Variants in OR51B5 observed in about 807,000 individuals in gnomAD.
OR51B5 encodes the protein olfactory receptor family 51 subfamily B member 5.
For missense variants in OR51B5, 456 were observed against 374.6 expected (o/e 1.22, Z -1.79); for synonymous variants, 186 against 144.8 (o/e 1.28, Z -2.04).
chr11:5,469,030 C>T (rs147630465), intron 1 of OR51B5: 7 of 296,220 alleles, frequency 2.4e-5, no homozygotes, highest in South Asian at 5.8e-5. Flanking sequence ...CATAGCGCAG[C>T]GGGTTACAGA....
chr11:5,401,315 C>A (rs548294423), intron 1 of OR51B5, among the ~76,000 whole-genome samples: 4 of 152,190 alleles, frequency 2.6e-5, no homozygotes, highest in African/African-American at 9.7e-5. Context: ...TGGATGTGAT[C>A]GTTGACAGAA....
chr11:5,466,250 T>C (rs1851137506), intron 1 of OR51B5, among the ~76,000 whole-genome samples: 1 of 152,228 alleles, frequency 6.6e-6, no homozygotes, highest in Admixed American at 6.5e-5. Flanking sequence ...TTTTCATAAG[T>C]CTGTTAATTA....
At chr11:5,341,494 G>A (rs1589940673), downstream of OR51B5, 1 of 152,136 alleles carries the variant, frequency 6.6e-6, no homozygotes, top group Admixed American at 6.6e-5. Context: ...TCTCACTGAA[G>A]TATTATTTTT....
chr11:5,377,764 G>C (rs868423281), intron 1 of OR51B5, among the ~76,000 whole-genome samples: 1 of 145,506 alleles, frequency 6.9e-6, no homozygotes, highest in Admixed American at 6.8e-5. Flanking sequence ...GGGATGTGAA[G>C]GACCTCTTCA....
intron 1 of OR51B5, among the ~76,000 whole-genome samples, chr11:5,445,076 C>T (rs892523103): frequency 6.6e-6 from 1 of 152,100 alleles, no homozygotes; most frequent in African/African-American, 2.4e-5. Flanking sequence ...GGCAATTGCC[C>T]AGTGCTCTAG....
chr11:5,488,349 G>C (rs1851526438), intron 1 of OR51B5, among the ~76,000 whole-genome samples: 1 of 152,118 alleles, frequency 6.6e-6, no homozygotes, highest in African/African-American at 2.4e-5. Context: ...GCATGAATGA[G>C]AGGTAAGAAA....
chr11:5,351,862 G>A lies in OR51B5; in HGVS notation n.85-4952C>T, dbSNP rs370552891. On this transcript the variant is annotated intron_variant and non_coding_transcript_variant, in intron 1 of 4. Coordinates refer to the OR51B5 transcript ENST00000415970. ...AGGTGTCTTGCTTGCCATGGCTTAT[G>A]ACTGTTTCATTACCATCCGCAGCCC... The A allele has an allele frequency of 3.1e-6, 5 of 1,613,518 alleles. No homozygotes were observed. The African/African-American group carries it at 5.3e-5, about 17-fold the overall frequency.
Position 5,454,655 on chromosome 11 carries a change from T to C in OR51B5, n.84+50914A>G, listed in dbSNP as rs1590005166. 4 of 380,350 alleles carry C rather than the reference T, an allele frequency of 1.1e-5. No individual in the cohort carries two copies. In the East Asian group the frequency reaches 1.7e-4, roughly 16 times the overall value. 23.6% of individuals were successfully genotyped at this position (380,350 alleles called of 1,614,324 possible). ...ATAAATATTGGGGGCAATTGAGTAA[T>C]TAGACAAGTTTTACAGAGGAAGACT... On this transcript the variant is annotated intron_variant and non_coding_transcript_variant, in intron 1 of 4. Coordinates refer to the OR51B5 transcript ENST00000415970.
chr11:5,389,454 A>C lies in OR51B5; in HGVS notation n.85-42544T>G, dbSNP rs1034767955. The C allele has an allele frequency of 9.3e-6, 15 of 1,613,742 alleles. No homozygotes were observed. The Middle Eastern group carries it at 4.9e-4, about 53-fold the overall frequency. On this transcript the variant is annotated intron_variant and non_coding_transcript_variant, in intron 1 of 4. Transcript: ENST00000415970. ...TTCATGCTGCTATCCAACATTACTC[A>C]GTTTAGCCCCATATTCTATCTCACC...
upstream of OR51B5, among the ~76,000 whole-genome samples, chr11:5,346,588 TA>T (rs963726958): frequency 2.6e-5 from 4 of 151,912 alleles, no homozygotes; most frequent in African/African-American, 9.7e-5. Context: ...AAAGAAGACA[TA>T]TGAGAGGGTC....
chr11:5,483,579 A>G (rs60179850), intron 1 of OR51B5, among the ~76,000 whole-genome samples: 30,885 of 150,920 alleles, frequency 0.2, 3,318 homozygotes, highest in Middle Eastern at 0.27. Context: ...GAGAAAAGGA[A>G]GACAAGGAAA....
At chr11:5,364,300 C>T (rs1849332924) in intron 1 of OR51B5, among the ~76,000 whole-genome samples, 1 of 152,178 alleles carries the variant, frequency 6.6e-6, no homozygotes, top group African/African-American at 2.4e-5. Context: ...GACCACCAAT[C>T]TTGACTTCAC....
At chr11:5,489,067 A>C in intron 1 of OR51B5, 3 of 1,614,026 alleles carry the variant, frequency 1.9e-6, no homozygotes, top group Non-Finnish European at 2.5e-6. Flanking sequence ...TCTACTTGCC[A>C]TGGCCTTTGA....
At chr11:5,416,043 A>G (rs1398295470) in intron 1 of OR51B5, among the ~76,000 whole-genome samples, 1 of 146,462 alleles carries the variant, frequency 6.8e-6, no homozygotes, top group African/African-American at 2.5e-5. Flanking sequence ...TACTGGCAAA[A>G]CGAATCCAGC....
chr11:5,391,133 C>T (rs1241626174), intron 1 of OR51B5: 7 of 152,190 alleles, frequency 4.6e-5, no homozygotes, highest in African/African-American at 1.4e-4. Context: ...AAGCTTCAGC[C>T]AAGGAAACTC....
At chr11:5,473,333 G>C (rs1851257087) in intron 1 of OR51B5, among the ~76,000 whole-genome samples, 1 of 152,140 alleles carries the variant, frequency 6.6e-6, no homozygotes, top group Non-Finnish European at 1.5e-5. Context: ...TTTGTAAAAG[G>C]ATGTCGGGGC....
rs1353538387 is a variant in OR51B5 at position 5,357,522 on chromosome 11, C to T, written n.85-10612G>A. ...AGAGACTTAGACTCTCACACAATAA[C>T]AATGGGAGACTTTAACACCCCACTG... is the stretch of plus-strand genomic sequence containing the variant. On this transcript the variant is annotated intron_variant and non_coding_transcript_variant, in intron 1 of 4. Transcript: ENST00000415970. 3.9e-5 allele frequency among the ~76,000 whole-genome samples: 6 copies of T among 151,996 alleles called. No homozygotes were observed. The East Asian group carries it at 9.6e-4, about 24-fold the overall frequency.
At chr11:5,415,831 G>A (rs1589984096) in intron 1 of OR51B5, among the ~76,000 whole-genome samples, 2 of 151,806 alleles carry the variant, frequency 1.3e-5, no homozygotes, top group Admixed American at 6.6e-5. Context: ...ATTCACAGCT[G>A]AATTCTACCA....
intron 1 of OR51B5, chr11:5,489,534 G>A: frequency 6.2e-7 from 1 of 1,614,032 alleles, no homozygotes. Flanking sequence ...CCAAGCATGT[G>A]CACATCTTTC....
Sources: allele counts gnomAD v4.1 joint callset (sites outside exome capture counted in the v4.1 genomes callset), GRCh38; gene constraint gnomAD v4.1.1; transcripts MANE v1.5; gene names NCBI Gene and HGNC (gene_info 2026-07-23, HGNC 2026-07-21).